The following GAREM2 variants were observed in gnomAD, a reference collection of about 807,000 sequenced individuals.
GAREM2 encodes GRB2 associated regulator of MAPK1 subtype 2.
Under a neutral mutation model 55.6 loss-of-function variants are expected in GAREM2, and 30 were observed. That is an observed-to-expected ratio of 0.54 (90% CI 0.40 to 0.73). The LOEUF (loss-of-function observed/expected upper bound fraction) is 0.73. GAREM2 is among the 30% of genes least tolerant of loss of function. GAREM2 has a pLI of 0.00. For synonymous variants in GAREM2, 550 were observed against 569.1 expected (o/e 0.97, Z 0.48); for missense variants, 1,075 against 1,257.7 (o/e 0.85, Z 2.20).
chr2:26,180,881 G>T (rs146654280), intron 2 of GAREM2: 45 of 985,222 alleles, frequency 4.6e-5, no homozygotes, highest in Middle Eastern at 5.2e-4. Context: ...GCCTCCCAAA[G>T]TGCTGGGTTA....
intron 1 of GAREM2, among the ~76,000 whole-genome samples, chr2:26,173,605 G>C (rs920245020): frequency 6.6e-6 from 1 of 152,070 alleles, no homozygotes; most frequent in African/African-American, 2.4e-5. Context: ...GAAAGGGGCC[G>C]AGCCCCTGCT....
rs1473858891 is a variant in GAREM2 at position 26,185,271 on chromosome 2, G to C, written c.1423G>C (p.Glu475Gln). 6.6e-7 allele frequency: 1 copy of C among 1,514,442 alleles called. No individual in the cohort carries two copies. Among genetic ancestry groups the C allele is most frequent in the Admixed American group, 2.0e-5 (1 of 49,268 alleles). 93.8% of individuals were successfully genotyped at this position (1,514,442 alleles called of 1,614,324 possible). The change falls in exon 4 of 6, where the codon GAG becomes CAG. Residue 475 changes from glutamate to glutamine, a missense_variant. Physicochemically the swap from Glu to Gln is conservative, Grantham distance 29. This residue lies in a region of GAREM2 where 515 missense variants were observed against 501.5 expected (regional missense o/e 1.03). Coordinates refer to ENST00000401533, the MANE Select transcript of GAREM2 (RefSeq NM_001168241.2). Reference protein sequence around the residue: ...APPPPVPPKSEAVKEECRLLN... With the variant: ...APPPPVPPKSQAVKEECRLLN... ...GCCGCCTCCAGTCCCTCCCAAATCC[G>C]AGGCGGTGAGTGAGCGCGCTGGGGG...
chr2:26,196,764 C>T, the GAREM2 span, among the ~76,000 whole-genome samples: 1 of 152,180 alleles, frequency 6.6e-6, no homozygotes, highest in African/African-American at 2.4e-5. Flanking sequence ...GGAGAGGTTA[C>T]CATCAAATGA....
At chr2:26,201,750 C>T in the GAREM2 span, among the ~76,000 whole-genome samples, 4 of 151,896 alleles carry the variant, frequency 2.6e-5, no homozygotes, top group South Asian at 6.2e-4. Context: ...ATTTGCTTAT[C>T]GCAAATATAT....
chr2:26,175,052 G>A (rs1023306057), intron 1 of GAREM2, among the ~76,000 whole-genome samples: 17 of 151,882 alleles, frequency 1.1e-4, no homozygotes, highest in Admixed American at 5.2e-4. Flanking sequence ...CTTCCTGTGC[G>A]TCTTGAACCG....
chr2:26,194,415 G>A (rs765776373), downstream of GAREM2, among the ~76,000 whole-genome samples: 1 of 152,144 alleles, frequency 6.6e-6, no homozygotes, highest in Non-Finnish European at 1.5e-5. Context: ...CCCAACTTCC[G>A]ACTGCTGTGC....
At chr2:26,195,678 C>T in the GAREM2 span, among the ~76,000 whole-genome samples, 1 of 152,124 alleles carries the variant, frequency 6.6e-6, no homozygotes, top group African/African-American at 2.4e-5. Flanking sequence ...GGTCTCACCA[C>T]CAGGATACTA....
chr2:26,175,628 C>A (rs1668840417), intron 1 of GAREM2, among the ~76,000 whole-genome samples: 1 of 152,276 alleles, frequency 6.6e-6, no homozygotes, highest in East Asian at 1.9e-4. Context: ...GGACTCCCCC[C>A]CTCTCCTTCG....
intron 5 of GAREM2, among the ~76,000 whole-genome samples, chr2:26,186,639 C>T (rs1316820606): frequency 3.9e-5 from 6 of 152,170 alleles, no homozygotes; most frequent in African/African-American, 1.2e-4. Flanking sequence ...GGGGACTTTG[C>T]TGCAGGATAG....
At chr2:26,195,062 A>C in the GAREM2 span, 1 of 1,594,630 alleles carries the variant, frequency 6.3e-7, no homozygotes, top group South Asian at 1.1e-5. Flanking sequence ...CTTTTCAAAA[A>C]CTCTGCAGCT....
Position 26,187,384 on chromosome 2 carries a change from C to G in GAREM2, c.1752C>G (p.Ser584=). 1 of 1,547,404 alleles carries G rather than the reference C, an allele frequency of 6.5e-7. No individual in the cohort carries two copies. The highest frequency in any genetic ancestry group is 8.7e-7 in the Non-Finnish European group (1 of 1,145,036). ...CAACCACACAGCCCAGCCAGGCCTCCCGGGCCCTCACAGAGCCTCTGAGCG... is the reference window on the plus strand; with the variant it reads ...CAACCACACAGCCCAGCCAGGCCTCGCGGGCCCTCACAGAGCCTCTGAGCG... ...LPSTTQPSQA[S]RALTEPLSGR... Residue 584 remains serine (S), a synonymous_variant, in exon 6 of 6, where the codon TCC becomes TCG. Transcript: ENST00000401533.
At chr2:26,183,552 T>G (rs1669125272) in intron 3 of GAREM2, among the ~76,000 whole-genome samples, 1 of 152,156 alleles carries the variant, frequency 6.6e-6, no homozygotes, top group Admixed American at 6.5e-5. Context: ...GGAGAGACCC[T>G]GTCTCTACAA....
intron 2 of GAREM2, 108 bp downstream of exon 2, chr2:26,176,592 G>T: frequency 9.1e-7 from 1 of 1,094,144 alleles, no homozygotes; most frequent in Non-Finnish European, 1.2e-6. Flanking sequence ...GGTGATTAGG[G>T]TTAGGGTTGG....
At chr2:26,178,150 AACTC>A (rs1444761056) in intron 2 of GAREM2, among the ~76,000 whole-genome samples, 2 of 152,212 alleles carry the variant, frequency 1.3e-5, no homozygotes, top group Non-Finnish European at 2.9e-5. Context: ...AAGATGTGGA[AACTC>A]ACTCAGATTT....
At chr2:26,177,342 A>G (rs1285986523) in intron 2 of GAREM2, among the ~76,000 whole-genome samples, 1 of 152,170 alleles carries the variant, frequency 6.6e-6, no homozygotes, top group East Asian at 1.9e-4. Context: ...CCCGGATCCC[A>G]CATCTGCCAT....
chr2:26,194,502 ACAT>A (rs1267686615), downstream of GAREM2: 7 of 972,080 alleles, frequency 7.2e-6, no homozygotes, highest in South Asian at 9.1e-5. Flanking sequence ...CCTTATCTTG[ACAT>A]CATGAGTTTT....
Position 26,185,025 on chromosome 2 carries a change from G to A in GAREM2, c.1177G>A (p.Ala393Thr). The A allele has an allele frequency of 4.4e-6, 5 of 1,124,562 alleles. No homozygotes were observed. Among genetic ancestry groups the A allele is most frequent in the Non-Finnish European group, 5.4e-6 (5 of 919,928 alleles). The allele number at this position is 1,124,562 out of a possible 1,614,324, so 69.7% of individuals were successfully genotyped here. Reference sequence around the variant, plus strand: ...GCCGCGCGCCCCCGGGCTCGCCCGCGCCCCCGGCCCGCTAGCGCCGGCTCC... The same window carrying A: ...GCCGCGCGCCCCCGGGCTCGCCCGCACCCCCGGCCCGCTAGCGCCGGCTCC... Reference protein sequence around the residue: ...PAPRAPGLARAPGPLAPAPAG... With the variant: ...PAPRAPGLARTPGPLAPAPAG... Residue 393 changes from alanine (A) to threonine (T), a missense_variant, in exon 4 of 6, where the codon GCC (alanine) becomes ACC (threonine). Around this residue, in one of 6 missense-constraint regions of GAREM2, gnomAD observed 515 missense variants for 501.5 expected, o/e 1.03. Transcript: ENST00000401533.
the GAREM2 span, among the ~76,000 whole-genome samples, chr2:26,203,415 C>T: frequency 6.6e-6 from 1 of 152,170 alleles, no homozygotes; most frequent in African/African-American, 2.4e-5. Flanking sequence ...CTCTGCAAAA[C>T]AGGCAGCATG....
chr2:26,201,046 T>C, the GAREM2 span: 1 of 897,568 alleles, frequency 1.1e-6, no homozygotes, highest in Non-Finnish European at 1.8e-6. Flanking sequence ...AATAGTCCTT[T>C]TTATAAAAGC....
Sources: gnomAD v4.1 joint callset for allele counts (sites outside exome capture counted in the v4.1 genomes callset) on GRCh38, gnomAD v4.1.1 for gene constraint, gnomAD v4.1.1 regional missense constraint, MANE v1.5 for transcripts, NCBI Gene and HGNC (gene_info 2026-07-23, HGNC 2026-07-21) for gene names.